CARMIL1: variants seen among roughly 807,000 people sequenced by gnomAD.
CARMIL1 encodes F-actin-uncapping protein LRRC16A.
A neutral mutation model predicts 177.1 loss-of-function variants in CARMIL1; 90 were observed. That is an observed-to-expected ratio of 0.51 (90% CI 0.43 to 0.61). The LOEUF (loss-of-function observed/expected upper bound fraction) is 0.61. Ranked by LOEUF, CARMIL1 falls within the 20% of genes least tolerant of loss-of-function variation. The probability of loss-of-function intolerance (pLI) is 0.00; values close to 1 mark genes in which losing one functional copy is unlikely to be tolerated. For missense variants in CARMIL1, 1,380 were observed against 1,667.0 expected, an observed-to-expected ratio of 0.83 and a Z score of 3.00; for synonymous variants, 577 against 606.2, an observed-to-expected ratio of 0.95 and a Z score of 0.71.
In CARMIL1 at chr6:25,472,422, C is replaced by T. The variant is rs764182532; in HGVS notation, c.780-5C>T. ...ATTTAATCTTATTGTTTTGTTTACA[C>T]GCAGAGATTTTGCACAAAAACTGGC... On this transcript the variant is annotated splice_polypyrimidine_tract_variant and splice_region_variant and intron_variant, in intron 10 of 36. Coordinates refer to ENST00000329474, the MANE Select transcript of CARMIL1 (RefSeq NM_017640.6). 1.2e-5 allele frequency: 18 copies of T among 1,553,142 alleles called. No homozygotes were observed. Among genetic ancestry groups the T allele is most frequent in the South Asian group, 2.4e-5 (2 of 84,478 alleles).
intron 24 of CARMIL1, among the ~76,000 whole-genome samples, chr6:25,529,232 C>T (rs991410179): frequency 9.2e-5 from 14 of 152,032 alleles, no homozygotes; most frequent in African/African-American, 3.4e-4. Context: ...TATTCCTTCA[C>T]ACTTCCATGG....
chr6:25,617,315 A>G (rs1759355095), intron 36 of CARMIL1, among the ~76,000 whole-genome samples: 1 of 152,174 alleles, frequency 6.6e-6, no homozygotes, highest in Non-Finnish European at 1.5e-5. Context: ...TGACATAAAC[A>G]TTTTTGGTTT....
intron 34 of CARMIL1, 108 bp downstream of exon 34, chr6:25,605,001 CT>C: frequency 1.2e-6 from 1 of 824,954 alleles, no homozygotes; most frequent in Admixed American, 2.6e-5. Context: ...AAGAACTGAT[CT>C]CTTTGTTGTG....
intron 2 of CARMIL1, among the ~76,000 whole-genome samples, chr6:25,389,604 A>G (rs1792542697): frequency 1.3e-5 from 2 of 152,216 alleles, no homozygotes; most frequent in African/African-American, 2.4e-5. Flanking sequence ...TATTCTAGAC[A>G]CTATGAAACA....
At chr6:25,524,597 T>C (rs938620178) in intron 23 of CARMIL1, among the ~76,000 whole-genome samples, 21 of 152,140 alleles carry the variant, frequency 1.4e-4, no homozygotes, top group Non-Finnish European at 2.9e-4. Flanking sequence ...CAAAGCATGT[T>C]AAAAAGCAAC....
intron 2 of CARMIL1, among the ~76,000 whole-genome samples, chr6:25,310,623 G>C (rs191147966): frequency 6.6e-4 from 100 of 152,200 alleles, no homozygotes; most frequent in Non-Finnish European, 4.3e-4. Flanking sequence ...ACTGCTCTAG[G>C]GATTTTTTAA....
intron 11 of CARMIL1, 200 bp downstream of exon 11, chr6:25,472,721 A>G: frequency 3.6e-6 from 2 of 549,496 alleles, no homozygotes; most frequent in Non-Finnish European, 6.4e-6. Flanking sequence ...CCTTTTTTGA[A>G]GTGAAACAAA....
At chr6:25,459,273 T>TCTC (rs1390647134) in intron 8 of CARMIL1, among the ~76,000 whole-genome samples, 2 of 132,756 alleles carry the variant, frequency 1.5e-5, no homozygotes, top group African/African-American at 5.9e-5. Context: ...TTTCTTTTTT[T>TCTC]TTTTTTTAAG....
intron 36 of CARMIL1, chr6:25,612,832 A>T (rs1816608845): frequency 1.0e-6 from 1 of 985,268 alleles, no homozygotes; most frequent in Non-Finnish European, 1.2e-6. Flanking sequence ...GTACTCCACC[A>T]TTGCAGAAGA....
At chr6:25,537,060 A>G (rs2151123284) in intron 24 of CARMIL1, among the ~76,000 whole-genome samples, 1 of 152,324 alleles carries the variant, frequency 6.6e-6, no homozygotes, top group Admixed American at 6.5e-5. Flanking sequence ...AAGTACAAAT[A>G]TAGAAGAGCA....
chr6:25,590,930 T>G (rs1814241043), intron 31 of CARMIL1, among the ~76,000 whole-genome samples: 1 of 152,214 alleles, frequency 6.6e-6, no homozygotes, highest in South Asian at 2.1e-4. Flanking sequence ...AAGTTCATTT[T>G]TTTCTTTTAT....
chr6:25,337,962 T>A (rs1786448595), intron 2 of CARMIL1, among the ~76,000 whole-genome samples: 1 of 152,122 alleles, frequency 6.6e-6, no homozygotes, highest in Non-Finnish European at 1.5e-5. Flanking sequence ...CTGACTAGCG[T>A]ATGAGGGTGG....
At chr6:25,302,994 C>T (rs777894813) in intron 2 of CARMIL1, among the ~76,000 whole-genome samples, 2 of 152,166 alleles carry the variant, frequency 1.3e-5, no homozygotes, top group Non-Finnish European at 2.9e-5. Context: ...TGAGCTGCCT[C>T]TCTTGTTTCC....
chr6:25,315,277 G>A (rs749574776), intron 2 of CARMIL1, among the ~76,000 whole-genome samples: 2 of 152,204 alleles, frequency 1.3e-5, no homozygotes, highest in Non-Finnish European at 2.9e-5. Flanking sequence ...CTGTGGTGTG[G>A]AGAGGTTTTC....
At chr6:25,574,018 G>A (rs1051875663) in intron 29 of CARMIL1, among the ~76,000 whole-genome samples, 3 of 152,108 alleles carry the variant, frequency 2.0e-5, no homozygotes, top group African/African-American at 4.8e-5. Flanking sequence ...GAACAACTCC[G>A]AGTTACTTCA....
chr6:25,378,970 G>C (rs1426090974), intron 2 of CARMIL1, among the ~76,000 whole-genome samples: 2 of 151,734 alleles, frequency 1.3e-5, no homozygotes, highest in Non-Finnish European at 2.9e-5. Context: ...CTTGGAACCA[G>C]ACAGACCTTG....
intron 2 of CARMIL1, among the ~76,000 whole-genome samples, chr6:25,356,159 G>A (rs1025485411): frequency 1.3e-5 from 2 of 151,214 alleles, no homozygotes; most frequent in African/African-American, 4.9e-5. Flanking sequence ...CCGGGTTCAC[G>A]CCATTCTCCT....
intron 11 of CARMIL1, among the ~76,000 whole-genome samples, chr6:25,478,939 C>T (rs919320632): frequency 6.6e-6 from 1 of 152,034 alleles, no homozygotes; most frequent in African/African-American, 2.4e-5. Flanking sequence ...AATGGAAATA[C>T]TTCATTGTAT....
intron 29 of CARMIL1, among the ~76,000 whole-genome samples, chr6:25,564,722 G>T (rs1811408160): frequency 6.6e-6 from 1 of 151,904 alleles, no homozygotes. Context: ...AGTGTAGTTT[G>T]TTGTATTAAG....
Sources: allele counts gnomAD v4.1 joint callset (sites outside exome capture counted in the v4.1 genomes callset), GRCh38; gene constraint gnomAD v4.1.1; transcripts MANE v1.5; gene names NCBI Gene and HGNC (gene_info 2026-07-23, HGNC 2026-07-21).